The following FSHR variants were observed in gnomAD, a reference collection of about 807,000 sequenced individuals.
FSHR encodes the protein follicle-stimulating hormone receptor.
FSHR carries 46 observed loss-of-function variants against 52.1 expected under a neutral mutation model. The ratio of observed to expected loss-of-function variants is 0.88; its 90% CI spans 0.70 to 1.13. The LOEUF (loss-of-function observed/expected upper bound fraction) is 1.13. Ranked by LOEUF, FSHR falls within the 50% of genes most tolerant of loss-of-function variation. The pLI, the probability that FSHR is intolerant of heterozygous loss-of-function variation, is 0.00. For missense variants in FSHR, 964 were observed against 834.6 expected, an observed-to-expected ratio of 1.16 and a Z score of -1.91; for synonymous variants, 399 against 309.6, an observed-to-expected ratio of 1.29 and a Z score of -3.03.
At chr2:49,091,956 T>A (rs1238781531) in intron 1 of FSHR, among the ~76,000 whole-genome samples, 1 of 152,192 alleles carries the variant, frequency 6.6e-6, no homozygotes, top group Non-Finnish European at 1.5e-5. Context: ...AACCTACAGA[T>A]CAGTTTGAGG....
intron 2 of FSHR, among the ~76,000 whole-genome samples, chr2:49,037,254 A>G (rs554034983): frequency 6.6e-6 from 1 of 152,376 alleles, no homozygotes; most frequent in Non-Finnish European, 1.5e-5. Flanking sequence ...CACAGCATCC[A>G]CTAGGCACAG....
chr2:49,066,552 T>A lies in FSHR; in HGVS notation c.224+1667A>T, dbSNP rs960877908. Among the ~76,000 whole-genome samples the A allele has an allele frequency of 3.3e-5, 5 of 152,134 alleles. No homozygotes were observed. In the South Asian group the frequency reaches 8.3e-4, roughly 25 times the overall value. On this transcript the variant is annotated intron_variant, in intron 2 of 9. Coordinates refer to ENST00000406846, the MANE Select transcript of FSHR (RefSeq NM_000145.4). The stretch of plus-strand genomic sequence containing the variant: ...GTATAAAAAGGGTAAAAAAACAAGA[T>A]CAATTTTATTTTGGTGTATCGCTGT...
intron 4 of FSHR, among the ~76,000 whole-genome samples, chr2:49,009,400 A>C (rs1411455247): frequency 6.6e-6 from 1 of 151,940 alleles, no homozygotes; most frequent in Non-Finnish European, 1.5e-5. Context: ...CTGTTTTGGT[A>C]CGAGTACCAT....
At position 49,029,997 on chromosome 2, in the gene FSHR, C is replaced by T. The variant is rs562964955; in HGVS notation, c.225-9837G>A. ...GCTAGGGTGAGGCGGGGCTCCATGCCGCATCCTTCTTATGGCACTGCATCT... is the reference window on the plus strand; with the variant it reads ...GCTAGGGTGAGGCGGGGCTCCATGCTGCATCCTTCTTATGGCACTGCATCT... On this transcript the variant is annotated intron_variant, in intron 2 of 9. Transcript: ENST00000406846. 2.4e-3 allele frequency among the ~76,000 whole-genome samples: 365 copies of T among 152,298 alleles called. 2 individuals carry two copies. Among genetic ancestry groups the T allele is most frequent in the Non-Finnish European group, 4.2e-3 (288 of 68,030 alleles).
At chr2:49,055,243 A>G (rs942621414) in intron 2 of FSHR, among the ~76,000 whole-genome samples, 1 of 151,720 alleles carries the variant, frequency 6.6e-6, no homozygotes, top group African/African-American at 2.4e-5. Context: ...TAAAATATAA[A>G]AGGAACCAGC....
At chr2:49,100,214 A>C (rs78920544) in intron 1 of FSHR, among the ~76,000 whole-genome samples, 5,917 of 152,266 alleles carry the variant, frequency 0.039, 168 homozygotes, top group Middle Eastern at 0.061. Flanking sequence ...AGAAGGTGGT[A>C]GTGCCATAAT....
chr2:49,108,588 A>G lies in FSHR; in HGVS notation c.153-40298T>C, dbSNP rs531142198. On this transcript the variant is annotated intron_variant, in intron 1 of 9. Coordinates refer to ENST00000406846, the MANE Select transcript of FSHR (RefSeq NM_000145.4). ...CACTGAGTTCTCGATTGTTTCACCT[A>G]TAATTCTCCTGCCAAGAGCCTCTCA... 5.9e-5 allele frequency among the ~76,000 whole-genome samples: 9 copies of G among 152,276 alleles called. No homozygotes were observed. In the East Asian group the frequency reaches 9.7e-4, roughly 16 times the overall value.
At chr2:49,068,870 C>T (rs1303932205) in intron 1 of FSHR, among the ~76,000 whole-genome samples, 2 of 152,096 alleles carry the variant, frequency 1.3e-5, no homozygotes, top group Non-Finnish European at 2.9e-5. Flanking sequence ...GTTTCCCTCT[C>T]TGCTAGTCCC....
intron 2 of FSHR, among the ~76,000 whole-genome samples, chr2:49,064,406 GTT>G (rs1445268894): frequency 6.6e-6 from 1 of 152,036 alleles, no homozygotes. Flanking sequence ...TTGGGAGTGG[GTT>G]CTCTCTCTTC....
intron 1 of FSHR, among the ~76,000 whole-genome samples, chr2:49,078,288 C>A (rs893318303): frequency 1.3e-5 from 2 of 152,116 alleles, no homozygotes; most frequent in Non-Finnish European, 2.9e-5. Context: ...CTTTTTAAAA[C>A]CATCCGATCT....
chr2:49,001,645 A>G (rs1487408592), intron 4 of FSHR, among the ~76,000 whole-genome samples: 2 of 152,304 alleles, frequency 1.3e-5, no homozygotes, highest in South Asian at 4.1e-4. Flanking sequence ...TTAATTATTT[A>G]GAAAGCTATT....
chr2:49,017,101 T>G (rs1667516536), intron 4 of FSHR, among the ~76,000 whole-genome samples: 1 of 152,200 alleles, frequency 6.6e-6, no homozygotes, highest in Non-Finnish European at 1.5e-5. Flanking sequence ...CTGATATTTA[T>G]CAAGGGAAAA....
intron 1 of FSHR, among the ~76,000 whole-genome samples, chr2:49,082,661 G>T (rs1670220150): frequency 6.6e-6 from 1 of 152,130 alleles, no homozygotes; most frequent in South Asian, 2.1e-4. Flanking sequence ...GGAGCTGATG[G>T]AGCTGAAAAC....
intron 1 of FSHR, among the ~76,000 whole-genome samples, chr2:49,131,460 G>A (rs1034255959): frequency 6.6e-6 from 1 of 152,108 alleles, no homozygotes; most frequent in African/African-American, 2.4e-5. Flanking sequence ...TCAATTATTT[G>A]CTGAAATACA....
Position 49,041,683 on chromosome 2 carries a change from C to T in FSHR, c.225-21523G>A, listed in dbSNP as rs565575610. ...GGAATCCAAGGAGATCTATACCAGG[C>T]AATGCATTATTTCCTTGAGATTATC... is the stretch of plus-strand genomic sequence containing the variant. On this transcript the variant is annotated intron_variant, in intron 2 of 9. Coordinates refer to ENST00000406846, the MANE Select transcript of FSHR (RefSeq NM_000145.4). 3.3e-4 allele frequency among the ~76,000 whole-genome samples: 50 copies of T among 152,076 alleles called. 2 individuals are homozygous for T. The South Asian group carries it at 0.01, about 31-fold the overall frequency.
In FSHR at chr2:48,963,908, T is replaced by A. The variant is rs750439928; in HGVS notation, c.913A>T (p.Thr305Ser). ...SILRQEVDYMTQARGQRSSLA... is the reference protein window; with the variant it reads ...SILRQEVDYMSQARGQRSSLA... ...GAGGATCTCTGACCCCTAGCCTGAGTCATATAATCAACTTCTTGCCTTAAA... is the reference window on the plus strand; with the variant it reads ...GAGGATCTCTGACCCCTAGCCTGAGACATATAATCAACTTCTTGCCTTAAA... Residue 305 changes from threonine to serine, a missense_variant, in exon 10 of 10, where the codon ACT becomes TCT. Coordinates refer to ENST00000406846, the MANE Select transcript of FSHR (RefSeq NM_000145.4). 5.6e-6 allele frequency: 9 copies of A among 1,613,958 alleles called. No individual in the cohort carries two copies. The South Asian group carries it at 8.8e-5, about 16-fold the overall frequency.
At chr2:49,141,557 A>C (rs1433183350) in intron 1 of FSHR, among the ~76,000 whole-genome samples, 1 of 152,140 alleles carries the variant, frequency 6.6e-6, no homozygotes. Flanking sequence ...CAATGATCCA[A>C]ATACCTCCCA....
At chr2:48,990,755 A>G (rs1675734239) in intron 4 of FSHR, 118 bp from the exon 5 acceptor site, 3 of 746,768 alleles carry the variant, frequency 4.0e-6, no homozygotes, top group Non-Finnish European at 7.2e-6. Context: ...AATCTACGAG[A>G]AAAGCCCGTA....
At chr2:49,017,388 A>T (rs1667525150) in intron 4 of FSHR, 101 bp downstream of exon 4, 2 of 882,618 alleles carry the variant, frequency 2.3e-6, no homozygotes, top group Admixed American at 4.1e-5. Context: ...ACCATCCTTG[A>T]TCAAAAGTAA....
Sources: allele counts gnomAD v4.1 joint callset (sites outside exome capture counted in the v4.1 genomes callset), GRCh38; gene constraint gnomAD v4.1.1; transcripts MANE v1.5; gene names NCBI Gene and HGNC (gene_info 2026-07-23, HGNC 2026-07-21).